CNTNAP2: variants seen among roughly 807,000 people sequenced by gnomAD.
CNTNAP2 encodes the protein contactin-associated protein-like 2.
A neutral mutation model predicts 155.2 loss-of-function variants in CNTNAP2; 98 were observed. That is an observed-to-expected ratio of 0.63 (90% CI 0.54 to 0.75). The LOEUF (loss-of-function observed/expected upper bound fraction) is 0.75. Ranked by LOEUF, CNTNAP2 falls within the 30% of genes least tolerant of loss-of-function variation. CNTNAP2 has a pLI of 0.00. For missense variants in CNTNAP2, 1,727 were observed against 1,688.1 expected, an observed-to-expected ratio of 1.02 and a Z score of -0.40; for synonymous variants, 651 against 631.2, an observed-to-expected ratio of 1.03 and a Z score of -0.47.
chr7:147,903,566 T>A lies in CNTNAP2; in HGVS notation c.2100T>A (p.Asp700Glu), dbSNP rs1240494550. 1.2e-6 allele frequency: 2 copies of A among 1,614,190 alleles called. No homozygotes were observed. The highest frequency in any genetic ancestry group is 1.7e-5 in the Admixed American group (1 of 60,022). The stretch of plus-strand genomic sequence containing the variant: ...ATATACCTTTGCCTTTTCTTGTAGA[T>A]GGAAGCCCTTACACTTGGTGGGTTG... ...CKMSRLLNTP[D>E]GSPYTWWVGK... is the part of the protein sequence containing the mutation. Residue 700 changes from aspartate (D) to glutamate (E), a missense_variant and splice_region_variant, in exon 14 of 24, where the codon GAT becomes GAA. Transcript: ENST00000361727.
chr7:148,279,776 A>T (rs901862658), intron 21 of CNTNAP2, among the ~76,000 whole-genome samples: 1 of 152,242 alleles, frequency 6.6e-6, no homozygotes, highest in Non-Finnish European at 1.5e-5. Flanking sequence ...CAGGTGTTGC[A>T]TATGAACGCA....
chr7:147,817,752 A>G (rs1349147739), intron 13 of CNTNAP2, among the ~76,000 whole-genome samples: 1 of 151,994 alleles, frequency 6.6e-6, no homozygotes, highest in Non-Finnish European at 1.5e-5. Context: ...AAATACAAAA[A>G]AAATTAGCCG....
At chr7:147,008,592 G>C (rs1176723321) in intron 3 of CNTNAP2, among the ~76,000 whole-genome samples, 1 of 152,072 alleles carries the variant, frequency 6.6e-6, no homozygotes, top group Non-Finnish European at 1.5e-5. Flanking sequence ...CATACATTGT[G>C]CATACACACG....
rs938091938 is a variant in CNTNAP2 at position 146,143,619 on chromosome 7, T to C, written c.97+26646T>C. Among the ~76,000 whole-genome samples, 4 of 152,200 alleles carry C rather than the reference T, an allele frequency of 2.6e-5. No individual in the cohort carries two copies. The East Asian group carries it at 7.7e-4, about 29-fold the overall frequency. On this transcript the variant is annotated intron_variant, in intron 1 of 23. Coordinates refer to ENST00000361727, the MANE Select transcript of CNTNAP2 (RefSeq NM_014141.6). ...TGTGGTATTGAAATACTATGTTTCATATTAGAATGTTTTCAAATATCTACT... is the reference window on the plus strand; with the variant it reads ...TGTGGTATTGAAATACTATGTTTCACATTAGAATGTTTTCAAATATCTACT...
At chr7:146,124,029 A>G (rs1230408972) in intron 1 of CNTNAP2, among the ~76,000 whole-genome samples, 3 of 152,140 alleles carry the variant, frequency 2.0e-5, no homozygotes, top group African/African-American at 7.2e-5. Flanking sequence ...GTTCTCACTC[A>G]TAAGTGGGAG....
At chr7:148,144,811 GC>G (rs1423495668) in intron 16 of CNTNAP2, among the ~76,000 whole-genome samples, 8 of 152,210 alleles carry the variant, frequency 5.3e-5, no homozygotes, top group African/African-American at 1.9e-4. Flanking sequence ...CACACATTAA[GC>G]GAGGACAGTG....
rs75043334 is a variant in CNTNAP2, at chr7:147,481,015, G to A, written c.1671-4920G>A. Reference sequence around the variant, plus strand: ...GAACAGCAGTTATTCTGATACACACGGCACTGTTCATTGCGCTTGGTACCA... The same window carrying A: ...GAACAGCAGTTATTCTGATACACACAGCACTGTTCATTGCGCTTGGTACCA... On this transcript the variant is annotated intron_variant, in intron 10 of 23. Coordinates refer to ENST00000361727, the MANE Select transcript of CNTNAP2 (RefSeq NM_014141.6). Among the ~76,000 whole-genome samples the A allele has an allele frequency of 4.3e-4, 65 of 152,218 alleles. No homozygotes were observed. The East Asian group carries it at 0.012, about 29-fold the overall frequency.
chr7:147,740,519 C>CT (rs1491397315), intron 13 of CNTNAP2, among the ~76,000 whole-genome samples: 1 of 152,136 alleles, frequency 6.6e-6, no homozygotes, highest in African/African-American at 2.4e-5. Flanking sequence ...AAAGACTGGA[C>CT]TCTCTGAGCT....
intron 1 of CNTNAP2, among the ~76,000 whole-genome samples, chr7:146,760,150 G>A (rs1450955890): frequency 5.3e-5 from 8 of 152,168 alleles, no homozygotes; most frequent in South Asian, 2.1e-4. Context: ...GTTCTTAAAT[G>A]AGCCAAACCT....
intron 8 of CNTNAP2, among the ~76,000 whole-genome samples, chr7:147,293,814 T>C (rs1471601804): frequency 6.6e-6 from 1 of 152,226 alleles, no homozygotes; most frequent in Non-Finnish European, 1.5e-5. Flanking sequence ...AAACTTTTCA[T>C]TAATATTTTA....
chr7:146,232,672 A>C (rs1006128420), intron 1 of CNTNAP2, among the ~76,000 whole-genome samples: 4 of 152,180 alleles, frequency 2.6e-5, no homozygotes, highest in South Asian at 2.1e-4. Flanking sequence ...AAACTATTCT[A>C]TCTCTCTAAT....
chr7:146,644,343 T>C (rs1238282320), intron 1 of CNTNAP2, among the ~76,000 whole-genome samples: 1 of 152,148 alleles, frequency 6.6e-6, no homozygotes, highest in East Asian at 1.9e-4. Context: ...ATACCTAATT[T>C]ATGGAGAGTT....
chr7:147,902,198 C>T (rs756226277), intron 13 of CNTNAP2, among the ~76,000 whole-genome samples: 98 of 152,200 alleles, frequency 6.4e-4, no homozygotes, highest in Admixed American at 1.5e-3. Context: ...AAATTGTCTT[C>T]CAAGGAGAGA....
At chr7:148,203,366 C>T (rs969458858) in intron 18 of CNTNAP2, among the ~76,000 whole-genome samples, 2 of 152,192 alleles carry the variant, frequency 1.3e-5, no homozygotes, top group Non-Finnish European at 2.9e-5. Context: ...ACTATGTTCT[C>T]CAGCATCTGC....
At chr7:147,675,797 T>C (rs1433656617) in intron 13 of CNTNAP2, among the ~76,000 whole-genome samples, 1 of 152,000 alleles carries the variant, frequency 6.6e-6, no homozygotes, top group Non-Finnish European at 1.5e-5. Context: ...TATTACAAGA[T>C]GTGAAAAATA....
chr7:146,318,473 G>C (rs1046890266), intron 1 of CNTNAP2, among the ~76,000 whole-genome samples: 2 of 151,990 alleles, frequency 1.3e-5, no homozygotes, highest in Admixed American at 6.6e-5. Context: ...TGTCTTATAG[G>C]CTTCTGAAAA....
rs201014552 is a variant in CNTNAP2, at chr7:147,108,965, GTTA to G, written c.754+619_754+621del. ...ATGCCGCCGTGCATAAATGCTGTGA[GTTA>G]TTAAGACAAAAGATGAAGTCCAAGA... On this transcript the variant is annotated intron_variant, in intron 5 of 23. Transcript: ENST00000361727. 7.0e-3 allele frequency among the ~76,000 whole-genome samples: 1,066 copies of G among 152,300 alleles called. 9 individuals are homozygous for G. The highest frequency in any genetic ancestry group is 0.024 in the African/African-American group (986 of 41,558).
chr7:147,598,450 G>A (rs1317914679), intron 12 of CNTNAP2, among the ~76,000 whole-genome samples: 1 of 152,100 alleles, frequency 6.6e-6, no homozygotes, highest in African/African-American at 2.4e-5. Flanking sequence ...TTCTGTTCCT[G>A]TGTTAGTTTG....
intron 2 of CNTNAP2, among the ~76,000 whole-genome samples, chr7:146,788,956 G>T (rs1802626235): frequency 6.6e-6 from 1 of 152,104 alleles, no homozygotes; most frequent in Non-Finnish European, 1.5e-5. Flanking sequence ...GACATGTCCT[G>T]TGTATCAAGT....
Sources: gnomAD v4.1 joint callset for allele counts (sites outside exome capture counted in the v4.1 genomes callset) on GRCh38, gnomAD v4.1.1 for gene constraint, MANE v1.5 for transcripts, NCBI Gene and HGNC (gene_info 2026-07-23, HGNC 2026-07-21) for gene names.